Variants in FLNB observed in about 807,000 individuals in gnomAD.
FLNB encodes the protein filamin-B.
FLNB carries 111 observed loss-of-function variants against 250.6 expected under a neutral mutation model. The observed-to-expected ratio is 0.44, with a 90% CI of 0.38 to 0.52. The LOEUF is 0.52. Ranked by LOEUF, FLNB falls within the 20% of genes least tolerant of loss-of-function variation. FLNB has a pLI of 0.00. For synonymous variants in FLNB, 1,302 were observed against 1,372.1 expected (o/e 0.95, Z 1.13); for missense variants, 2,869 against 3,447.8 (o/e 0.83, Z 4.20).
At chr3:58,088,805 G>A (rs1164007284) in intron 4 of FLNB, among the ~76,000 whole-genome samples, 1 of 152,202 alleles carries the variant, frequency 6.6e-6, no homozygotes, top group Non-Finnish European at 1.5e-5. Context: ...TGAATGGGGA[G>A]CCTAGGCTTT....
intron 4 of FLNB, among the ~76,000 whole-genome samples, chr3:58,085,873 C>T (rs1341153483): frequency 6.6e-6 from 1 of 152,184 alleles, no homozygotes; most frequent in Non-Finnish European, 1.5e-5. Context: ...TGGTTAGCCA[C>T]GGGTGACCAA....
Position 58,146,919 on chromosome 3 carries a change from C to T in FLNB, c.5654C>T (p.Pro1885Leu). Residue 1885 changes from proline (P) to leucine (L), a missense_variant, in exon 34 of 46, where the codon CCA (proline) becomes CTA (leucine). Around this residue, in one of 5 missense-constraint regions of FLNB, gnomAD observed 1,084 missense variants for 1,315.5 expected, o/e 0.82. Transcript: ENST00000295956. ...ACAGTGACCTACCTGCCGACTCTGC[C>T]AGGCGACTACAGCATTCTGGTCAAG... ...TCTVTYLPTL[P>L]GDYSILVKYN... is the part of the protein sequence containing the mutation. The T allele has an allele frequency of 6.2e-7, 1 of 1,614,202 alleles. No individual in the cohort carries two copies. The highest frequency in any genetic ancestry group is 1.1e-5 in the South Asian group (1 of 91,084).
intron 1 of FLNB, among the ~76,000 whole-genome samples, chr3:58,014,603 G>A (rs1317270768): frequency 6.6e-6 from 1 of 152,258 alleles, no homozygotes; most frequent in Non-Finnish European, 1.5e-5. Context: ...CAGGTACCAT[G>A]GAGTGGGCTG....
chr3:58,109,040 T>G, intron 13 of FLNB, 139 bp from the exon 14 acceptor site: 1 of 921,368 alleles, frequency 1.1e-6, no homozygotes, highest in Non-Finnish European at 1.8e-6. Flanking sequence ...GTTGTGAAAA[T>G]ATGGCACATT....
intron 44 of FLNB, 139 bp downstream of exon 44, chr3:58,168,797 T>G (rs577089293): frequency 8.6e-5 from 62 of 717,102 alleles, no homozygotes; most frequent in East Asian, 1.1e-4. Flanking sequence ...TAGTATGAGA[T>G]GTCAGAGGGC....
At chr3:58,166,338 A>C (rs2362902) in intron 43 of FLNB, among the ~76,000 whole-genome samples, 74,535 of 151,878 alleles carry the variant, frequency 0.49, 20,090 homozygotes, top group East Asian at 0.91. Flanking sequence ...GCCTGTAATC[A>C]AAGCACTTTG....
chr3:58,011,065 C>G (rs2097097954), intron 1 of FLNB, among the ~76,000 whole-genome samples: 1 of 152,178 alleles, frequency 6.6e-6, no homozygotes, highest in African/African-American at 2.4e-5. Context: ...CAGGCACATG[C>G]CACCACGCCC....
Position 58,105,110 on chromosome 3 carries a change from G to A in FLNB, c.1641G>A (p.Ala547=), listed in dbSNP as rs754377432. ...SPFEVQVGPE[A]GMQKVRAWGP... ...TTGAAGTTCAAGTTGGCCCTGAAGC[G>A]GGTATGCAGAAAGTCCGTGCTTGGG... is the stretch of plus-strand genomic sequence containing the variant. Residue 547 remains alanine, a synonymous_variant, in exon 11 of 46, where the codon GCG becomes GCA. Transcript: ENST00000295956. The A allele has an allele frequency of 3.8e-5, 62 of 1,614,086 alleles. No individual in the cohort carries two copies. Among genetic ancestry groups the A allele is most frequent in the Non-Finnish European group, 4.7e-5 (55 of 1,180,048 alleles).
At position 58,136,177 on chromosome 3, in the gene FLNB, AG is replaced by A; in HGVS notation, c.4861+12del. On this transcript the variant is annotated intron_variant, in intron 28 of 45. Coordinates refer to ENST00000295956, the MANE Select transcript of FLNB (RefSeq NM_001457.4). ...CAAGTGCCTGGCCACGGGTGAGTAC[AG>A]GGCATCTCAAGGTCAGGGGCACAGG... 1 of 1,614,112 alleles carries A rather than the reference AG, an allele frequency of 6.2e-7. No homozygotes were observed. The highest frequency in any genetic ancestry group is 8.5e-7 in the Non-Finnish European group (1 of 1,179,962).
chr3:58,080,791 CT>C (rs10628113), intron 3 of FLNB, among the ~76,000 whole-genome samples: 364 of 136,664 alleles, frequency 2.7e-3, no homozygotes, highest in East Asian at 3.8e-3. Flanking sequence ...TGCGTCTGGC[CT>C]TTTTTTTTTT....
intron 33 of FLNB, 26 bp downstream of exon 33, chr3:58,146,075 C>A: frequency 1.9e-6 from 3 of 1,613,854 alleles, no homozygotes; most frequent in Non-Finnish European, 1.7e-6. Flanking sequence ...CGTGTTTATA[C>A]GCCTCCAGCT....
chr3:58,068,926 G>T (rs1481932360), intron 1 of FLNB, among the ~76,000 whole-genome samples: 2 of 152,154 alleles, frequency 1.3e-5, no homozygotes, highest in Non-Finnish European at 2.9e-5. Flanking sequence ...AAACTGGGAT[G>T]TTAAGGAGGG....
At chr3:58,133,465 A>C (rs2097311187) in intron 26 of FLNB, among the ~76,000 whole-genome samples, 1 of 145,822 alleles carries the variant, frequency 6.9e-6, no homozygotes, top group African/African-American at 2.6e-5. Flanking sequence ...AAAAAAAAAA[A>C]GCAATAGTAG....
chr3:58,089,527 G>A (rs1362827787), intron 4 of FLNB, among the ~76,000 whole-genome samples: 5 of 135,540 alleles, frequency 3.7e-5, no homozygotes, highest in Non-Finnish European at 7.8e-5. Context: ...GCCTGGGCAA[G>A]AAGAGTGAGA....
At chr3:58,029,561 A>G (rs1200188526) in intron 1 of FLNB, among the ~76,000 whole-genome samples, 3 of 151,088 alleles carry the variant, frequency 2.0e-5, no homozygotes, top group African/African-American at 4.9e-5. Flanking sequence ...CTGGAGTGCA[A>G]TGGCTCGATC....
chr3:58,050,315 A>C (rs1423620129), intron 1 of FLNB, among the ~76,000 whole-genome samples: 1 of 152,198 alleles, frequency 6.6e-6, no homozygotes, highest in Admixed American at 6.5e-5. Flanking sequence ...GGCGTGAGCC[A>C]CCATGCCTGG....
In FLNB at chr3:58,130,797, G is replaced by T; in HGVS notation, c.4279G>T (p.Ala1427Ser). 2 of 1,613,952 alleles carry T rather than the reference G, an allele frequency of 1.2e-6. No individual in the cohort carries two copies. The highest frequency in any genetic ancestry group is 1.7e-6 in the Non-Finnish European group (2 of 1,179,980). ...TGTGGACCCCAGCAAGGTCAAGATT[G>T]CCGGCCCCGGGCTGGGCTCAGGCGT... ...DVVDPSKVKI[A>S]GPGLGSGVRA... Residue 1427 changes from alanine (A) to serine (S), a missense_variant, in exon 25 of 46, where the codon GCC (alanine) becomes TCC (serine). By Grantham distance (99) the Ala-to-Ser change is moderately conservative. Around this residue, in one of 5 missense-constraint regions of FLNB, gnomAD observed 1,348 missense variants for 1,466.7 expected, o/e 0.92. Coordinates refer to ENST00000295956, the MANE Select transcript of FLNB (RefSeq NM_001457.4).
intron 18 of FLNB, among the ~76,000 whole-genome samples, chr3:58,115,835 C>G (rs929019040): frequency 2.2e-4 from 33 of 152,152 alleles, no homozygotes; most frequent in African/African-American, 6.8e-4. Context: ...AGGTAAATCA[C>G]AAGTGTGAAT....
At chr3:58,094,236 C>A (rs536769049) in intron 4 of FLNB, among the ~76,000 whole-genome samples, 161 of 152,292 alleles carry the variant, frequency 1.1e-3, no homozygotes, top group African/African-American at 3.4e-3. Context: ...TGTGCCACCA[C>A]GTTGTATTTT....
Sources: allele counts gnomAD v4.1 joint callset (sites outside exome capture counted in the v4.1 genomes callset), GRCh38; gene constraint gnomAD v4.1.1; regional missense constraint gnomAD v4.1.1; transcripts MANE v1.5; gene names NCBI Gene and HGNC (gene_info 2026-07-23, HGNC 2026-07-21).